Variants in PLXDC2 observed in about 807,000 individuals in gnomAD.
PLXDC2 encodes the protein plexin domain-containing protein 2.
Under a neutral mutation model 68.9 loss-of-function variants are expected in PLXDC2, and 40 were observed. That is an observed-to-expected ratio of 0.58 (90% CI 0.45 to 0.76). PLXDC2 has a LOEUF of 0.76. PLXDC2 is among the 30% of genes least tolerant of loss of function. The probability of loss-of-function intolerance (pLI) is 0.00; values close to 1 mark genes in which losing one functional copy is unlikely to be tolerated. For synonymous variants in PLXDC2, 243 were observed against 234.2 expected (o/e 1.04, Z -0.34); for missense variants, 644 against 661.9 (o/e 0.97, Z 0.30).
intron 4 of PLXDC2, among the ~76,000 whole-genome samples, chr10:20,117,470 A>G (rs1218974696): frequency 6.6e-6 from 1 of 152,198 alleles, no homozygotes; most frequent in African/African-American, 2.4e-5. Flanking sequence ...GAACAAAGGA[A>G]CAGTGATTTT....
chr10:20,160,867 T>C (rs1319104814), intron 6 of PLXDC2, among the ~76,000 whole-genome samples: 3 of 152,280 alleles, frequency 2.0e-5, no homozygotes, highest in East Asian at 3.9e-4. Context: ...TGTGCACCTG[T>C]AGTCCCAGCT....
intron 1 of PLXDC2, among the ~76,000 whole-genome samples, chr10:19,871,661 C>T (rs374600730): frequency 3.9e-5 from 6 of 151,990 alleles, no homozygotes; most frequent in African/African-American, 1.2e-4. Context: ...AAGTGGATCA[C>T]GTGAGGTCAG....
intron 4 of PLXDC2, among the ~76,000 whole-genome samples, chr10:20,129,001 G>A (rs967946423): frequency 1.1e-4 from 17 of 152,092 alleles, no homozygotes; most frequent in Non-Finnish European, 2.2e-4. Context: ...TATATACTCA[G>A]AAGTGGAATT....
intron 7 of PLXDC2, among the ~76,000 whole-genome samples, chr10:20,168,333 A>G (rs1039743117): frequency 3.6e-4 from 55 of 152,158 alleles, no homozygotes; most frequent in African/African-American, 1.3e-3. Context: ...TGCATTACCT[A>G]GCAGAGAGTA....
intron 1 of PLXDC2, among the ~76,000 whole-genome samples, chr10:19,954,551 G>A (rs971331108): frequency 2.0e-5 from 3 of 152,174 alleles, no homozygotes; most frequent in African/African-American, 4.8e-5. Context: ...CATGGCATGA[G>A]CGTTAATTTT....
chr10:20,113,043 A>G (rs898271218), intron 4 of PLXDC2, among the ~76,000 whole-genome samples: 8 of 152,224 alleles, frequency 5.3e-5, no homozygotes, highest in South Asian at 2.1e-4. Flanking sequence ...TTTCATGGTT[A>G]GTTTAGCAGG....
At chr10:20,118,088 A>G (rs751334828) in intron 4 of PLXDC2, among the ~76,000 whole-genome samples, 8 of 147,728 alleles carry the variant, frequency 5.4e-5, no homozygotes, top group Non-Finnish European at 1.0e-4. Context: ...CTGTATATAC[A>G]TGCATCCATA....
At chr10:20,085,608 G>T (rs1833180709) in intron 4 of PLXDC2, among the ~76,000 whole-genome samples, 1 of 152,082 alleles carries the variant, frequency 6.6e-6, no homozygotes, top group Non-Finnish European at 1.5e-5. Flanking sequence ...TAATTATTAT[G>T]ATTTGATTTG....
At chr10:20,033,014 C>T (rs1038056998) in intron 2 of PLXDC2, among the ~76,000 whole-genome samples, 2 of 126,526 alleles carry the variant, frequency 1.6e-5, no homozygotes, top group Admixed American at 2.1e-4. Context: ...AGGGGAACAT[C>T]ACACACCGGG....
chr10:20,079,556 G>A (rs966173269), intron 4 of PLXDC2, among the ~76,000 whole-genome samples: 2 of 152,102 alleles, frequency 1.3e-5, no homozygotes, highest in Admixed American at 1.3e-4. Context: ...ATGATTGACT[G>A]GATAAAGAAA....
chr10:19,934,788 C>T (rs1422868637), intron 1 of PLXDC2, among the ~76,000 whole-genome samples: 7 of 152,194 alleles, frequency 4.6e-5, no homozygotes, highest in Admixed American at 4.6e-4. Context: ...GTTCCCTGAG[C>T]TTGTATAAGA....
intron 1 of PLXDC2, among the ~76,000 whole-genome samples, chr10:19,941,104 C>T (rs1833811366): frequency 6.6e-6 from 1 of 152,210 alleles, no homozygotes; most frequent in South Asian, 2.1e-4. Flanking sequence ...TCCCATGCCT[C>T]TGTTTCATTT....
chr10:19,926,395 GTATTA>G (rs199685283), intron 1 of PLXDC2, among the ~76,000 whole-genome samples: 2,739 of 152,276 alleles, frequency 0.018, 41 homozygotes, highest in Middle Eastern at 0.037. Context: ...CAGTATTGCA[GTATTA>G]TATTGTCAGA....
At chr10:19,932,121 CTGCATTGT>C in intron 1 of PLXDC2, among the ~76,000 whole-genome samples, 1 of 152,294 alleles carries the variant, frequency 6.6e-6, no homozygotes, top group South Asian at 2.1e-4. Context: ...ACATCCCTTC[CTGCATTGT>C]TGCAGTCATG....
At chr10:19,934,776 G>A (rs997089448) in intron 1 of PLXDC2, among the ~76,000 whole-genome samples, 1 of 152,086 alleles carries the variant, frequency 6.6e-6, no homozygotes, top group African/African-American at 2.4e-5. Context: ...GTTTCTTCAG[G>A]GGTTCCCTGA....
rs1277576510 is a variant in PLXDC2 at position 20,281,518 on chromosome 10, A to G, written c.*1699A>G. Reference sequence around the variant, plus strand: ...ACACATCTGCCTTGGTCATCAGTCCACTCACAGAGTACCATACTTTATCAT... The same window carrying G: ...ACACATCTGCCTTGGTCATCAGTCCGCTCACAGAGTACCATACTTTATCAT... On this transcript the variant is annotated 3_prime_UTR_variant, in exon 14 of 14. Coordinates refer to ENST00000377252, the MANE Select transcript of PLXDC2 (RefSeq NM_032812.9). 6.6e-6 allele frequency: 1 copy of G among 152,298 alleles called. No individual in the cohort carries two copies. Among genetic ancestry groups the G allele is most frequent in the East Asian group, 1.9e-4 (1 of 5,188 alleles). The allele number at this position is 152,298 out of a possible 1,614,324, so 9.4% of individuals were successfully genotyped here.
At chr10:20,189,619 C>G (rs1834737587) in intron 9 of PLXDC2, among the ~76,000 whole-genome samples, 1 of 148,522 alleles carries the variant, frequency 6.7e-6, no homozygotes, top group Non-Finnish European at 1.5e-5. Context: ...CAGAAAAATT[C>G]AAAACTTTTC....
At chr10:19,886,072 C>G (rs1837840933) in intron 1 of PLXDC2, among the ~76,000 whole-genome samples, 1 of 152,094 alleles carries the variant, frequency 6.6e-6, no homozygotes, top group Non-Finnish European at 1.5e-5. Context: ...TCCTTCACAT[C>G]CCTTGTAAGG....
intron 1 of PLXDC2, among the ~76,000 whole-genome samples, chr10:19,947,707 C>CTTTTTTTTTTTTTTTTTTTTTT: frequency 8.3e-6 from 1 of 120,972 alleles, no homozygotes; most frequent in Non-Finnish European, 1.7e-5. Flanking sequence ...TTCTTTCTTT[C>CTTTTTTTTTTTTTTTTTTTTTT]TTTTTTTTTT....
Sources: gnomAD v4.1 joint callset for allele counts (sites outside exome capture counted in the v4.1 genomes callset) on GRCh38, gnomAD v4.1.1 for gene constraint, MANE v1.5 for transcripts, NCBI Gene and HGNC (gene_info 2026-07-23, HGNC 2026-07-21) for gene names.